The following IGFL4 variants were observed in gnomAD, a reference collection of about 807,000 sequenced individuals.
The protein encoded by IGFL4 is insulin growth factor-like family member 4.
IGFL4 carries 12 observed loss-of-function variants against 15.4 expected under a neutral mutation model. The observed-to-expected ratio is 0.78, with a 90% confidence interval of 0.50 to 1.26. The LOEUF (loss-of-function observed/expected upper bound fraction) is 1.26. Ranked by LOEUF, IGFL4 falls within the 50% of genes most tolerant of loss-of-function variation. IGFL4 has a pLI of 0.00. For synonymous variants in IGFL4, 54 were observed against 55.9 expected (o/e 0.97, Z 0.16); for missense variants, 126 against 147.8 (o/e 0.85, Z 0.76).
intron 1 of IGFL4, among the ~76,000 whole-genome samples, chr19:46,074,112 C>T (rs1471552113): frequency 2.0e-5 from 3 of 151,858 alleles, no homozygotes; most frequent in African/African-American, 7.3e-5. Flanking sequence ...CATTTATGTG[C>T]TTGAGAAACT....
rs189852162 is a variant in IGFL4, at chr19:46,055,279, A to G, written c.-323+4906T>C. On this transcript the variant is annotated intron_variant, in intron 2 of 5. Coordinates refer to the IGFL4 transcript ENST00000601672. ...TCATTTCTTTTCTGTTCTTTTCCAGATAGGGTCTCACTGTGTTGCCCAGGC... is the reference window on the plus strand; with the variant it reads ...TCATTTCTTTTCTGTTCTTTTCCAGGTAGGGTCTCACTGTGTTGCCCAGGC... Among the ~76,000 whole-genome samples the G allele has an allele frequency of 8.4e-4, 128 of 152,278 alleles. 2 individuals are homozygous for G. The highest frequency in any genetic ancestry group is 3.9e-3 in the Admixed American group (60 of 15,296).
At chr19:46,066,921 A>G (rs1475843833) in intron 1 of IGFL4, among the ~76,000 whole-genome samples, 1 of 152,198 alleles carries the variant, frequency 6.6e-6, no homozygotes, top group Admixed American at 6.5e-5. Flanking sequence ...AGCATGAATT[A>G]TGTTCACCCA....
At chr19:46,066,257 A>C (rs777625359) in intron 1 of IGFL4, among the ~76,000 whole-genome samples, 3 of 152,222 alleles carry the variant, frequency 2.0e-5, no homozygotes, top group Non-Finnish European at 4.4e-5. Context: ...CAACAAAGAA[A>C]TATTTAGTGT....
intron 1 of IGFL4, among the ~76,000 whole-genome samples, chr19:46,066,623 T>C (rs1488114300): frequency 2.6e-5 from 4 of 152,192 alleles, no homozygotes; most frequent in African/African-American, 9.7e-5. Context: ...AGTGACCTGT[T>C]ACTCATGGCA....
intron 1 of IGFL4, among the ~76,000 whole-genome samples, chr19:46,069,896 A>G (rs1193816543): frequency 1.3e-5 from 2 of 152,220 alleles, no homozygotes; most frequent in Non-Finnish European, 2.9e-5. Flanking sequence ...AGCAATAAAC[A>G]TGAATGAACA....
chr19:46,054,823 T>A (rs1301279077), intron 2 of IGFL4, among the ~76,000 whole-genome samples: 1 of 152,192 alleles, frequency 6.6e-6, no homozygotes. Context: ...ATAGAAGATC[T>A]ATAGTCTTCA....
chr19:46,045,830 G>GA (rs1208942349), upstream of IGFL4, among the ~76,000 whole-genome samples: 1 of 152,110 alleles, frequency 6.6e-6, no homozygotes, highest in African/African-American at 2.4e-5. Flanking sequence ...AACCAAGTTG[G>GA]AAAACATACT....
chr19:46,040,347 C>T lies in IGFL4; in HGVS notation c.140G>A (p.Cys47Tyr), dbSNP rs768248552. ...GEWTYNPLEQ[C>Y]CDDGVILDLN... The stretch of plus-strand genomic sequence containing the variant: ...GTCTAGGATGACACCGTCATCACAG[C>T]ACTGCTCCAAGGGGTTGTAGGTCCA... The change falls in exon 3 of 4, where the codon TGC (cysteine) becomes TAC (tyrosine). Residue 47 changes from cysteine (C) to tyrosine (Y), a missense_variant. Cys to Tyr is a radical substitution (Grantham distance 194). Coordinates refer to ENST00000377697, the MANE Select transcript of IGFL4 (RefSeq NM_001002923.3). The surrounding 1 kb of genome is among the most constrained non-coding windows in gnomAD (Gnocchi z 4.1). The T allele has an allele frequency of 3.9e-5, 63 of 1,614,062 alleles. No individual in the cohort carries two copies. The highest frequency in any genetic ancestry group is 5.3e-5 in the Non-Finnish European group (62 of 1,180,018).
intron 2 of IGFL4, among the ~76,000 whole-genome samples, chr19:46,052,737 A>G (rs1391046692): frequency 1.3e-5 from 2 of 149,562 alleles, no homozygotes; most frequent in Non-Finnish European, 3.0e-5. Context: ...AAAAAAAAGT[A>G]TATTAATCCC....
chr19:46,049,092 C>T (rs1277763870), intron 2 of IGFL4, among the ~76,000 whole-genome samples: 1 of 152,256 alleles, frequency 6.6e-6, no homozygotes, highest in East Asian at 1.9e-4. Context: ...ATCAATGCCT[C>T]CTGGTCTCTG....
intron 1 of IGFL4, among the ~76,000 whole-genome samples, chr19:46,072,104 T>C (rs1969551817): frequency 6.6e-6 from 1 of 152,214 alleles, no homozygotes; most frequent in South Asian, 2.1e-4. Flanking sequence ...CTTTTCCTGC[T>C]ATTGACAACA....
rs1441816720 is a variant in IGFL4, at chr19:46,056,571, A to T, written c.-323+3614T>A. Among the ~76,000 whole-genome samples the T allele has an allele frequency of 3.3e-5, 5 of 152,144 alleles. No individual in the cohort carries two copies. The South Asian group carries it at 1.0e-3, about 32-fold the overall frequency. On this transcript the variant is annotated intron_variant, in intron 2 of 5. Transcript: ENST00000601672. The stretch of plus-strand genomic sequence containing the variant: ...GACATTCTGGAGATGCCTCCTGATG[A>T]ATTGGAAAAATACTGACATGGGTGA...
At chr19:46,044,260 G>A (rs1280973635), upstream of IGFL4, among the ~76,000 whole-genome samples, 1 of 152,194 alleles carries the variant, frequency 6.6e-6, no homozygotes, top group Non-Finnish European at 1.5e-5. Flanking sequence ...TCTTGGCAGA[G>A]CGGCCACAGG....
intron 2 of IGFL4, chr19:46,058,299 C>T (rs1192018202): frequency 6.6e-6 from 1 of 152,082 alleles, no homozygotes; most frequent in Non-Finnish European, 1.5e-5. Context: ...GCAGCCAAAT[C>T]TTAAAGCTCT....
At position 46,040,589 on chromosome 19, in the gene IGFL4, G is replaced by A. The variant is rs747361834; in HGVS notation, c.20-21C>T. 23 of 1,613,542 alleles carry A rather than the reference G, an allele frequency of 1.4e-5. No homozygotes were observed. Among genetic ancestry groups the A allele is most frequent in the Middle Eastern group, 1.6e-4 (1 of 6,078 alleles). ...GGCAGCTGAGAAGCAGAAGGAGAGC[G>A]AGAATGATTCTGAGGTCACTAGGTC... On this transcript the variant is annotated intron_variant, in intron 1 of 3. Coordinates refer to ENST00000377697, the MANE Select transcript of IGFL4 (RefSeq NM_001002923.3). The surrounding 1 kb of genome is among the most constrained non-coding windows in gnomAD (Gnocchi z 4.1).
At chr19:46,052,784 C>A in intron 2 of IGFL4, among the ~76,000 whole-genome samples, 1 of 149,058 alleles carries the variant, frequency 6.7e-6, no homozygotes, top group East Asian at 1.9e-4. Context: ...GCTTTGCAGA[C>A]ATGAAAACTA....
At chr19:46,041,339 C>T (rs1278426349), upstream of IGFL4, among the ~76,000 whole-genome samples, 2 of 152,196 alleles carry the variant, frequency 1.3e-5, no homozygotes, top group Admixed American at 6.5e-5. Flanking sequence ...ACTCACCAAA[C>T]ACCGGCTGTC....
upstream of IGFL4, among the ~76,000 whole-genome samples, chr19:46,041,828 CCTCT>C (rs777673835): frequency 1.2e-4 from 17 of 142,954 alleles, no homozygotes; most frequent in African/African-American, 2.4e-4. Context: ...CCTCCTCCCT[CCTCT>C]CTCTCTTTTT....
At chr19:46,053,884 T>C (rs1356405712) in intron 2 of IGFL4, among the ~76,000 whole-genome samples, 1 of 152,196 alleles carries the variant, frequency 6.6e-6, no homozygotes, top group African/African-American at 2.4e-5. Context: ...TGTTGAGTAG[T>C]TTTTTCATAT....
Sources: gnomAD v4.1 joint callset for allele counts (sites outside exome capture counted in the v4.1 genomes callset) on GRCh38, gnomAD v4.1.1 for gene constraint, Gnocchi (gnomAD v3.1) non-coding constraint, MANE v1.5 for transcripts, NCBI Gene and HGNC (gene_info 2026-07-23, HGNC 2026-07-21) for gene names.